TBL1Y: variants seen among roughly 807,000 people sequenced by gnomAD.
TBL1Y encodes F-box-like/WD repeat-containing protein TBL1Y.
TBL1Y carries 15 observed loss-of-function variants against 12.0 expected under a neutral mutation model. The ratio of observed to expected loss-of-function variants is 1.25; its 90% confidence interval spans 0.83 to 1.92. The LOEUF is 1.92. Ranked by LOEUF, TBL1Y falls within the 40% of genes most tolerant of loss-of-function variation. The pLI, the probability that TBL1Y is intolerant of heterozygous loss-of-function variation, is 0.00. For missense variants in TBL1Y, 148 were observed against 116.7 expected (o/e 1.27, Z -1.24); for synonymous variants, 53 against 42.6 (o/e 1.24, Z -0.95).
chrY:7,007,731 C>T, intron 4 of TBL1Y, among the ~76,000 whole-genome samples: 1 of 33,265 alleles, frequency 3.0e-5, no homozygotes, highest in African/African-American at 1.2e-4. Flanking sequence ...GAATTATATG[C>T]GTGAGTCACT....
intron 3 of TBL1Y, among the ~76,000 whole-genome samples, chrY:6,988,834 G>A: frequency 3.1e-5 from 1 of 32,697 alleles, no homozygotes; most frequent in South Asian, 7.0e-4. Flanking sequence ...AATGTCTTGG[G>A]TGACCAAGAG....
intron 4 of TBL1Y, among the ~76,000 whole-genome samples, chrY:7,013,170 A>G (rs773918576): frequency 1.8e-4 from 6 of 33,487 alleles, no homozygotes; most frequent in Non-Finnish European, 3.7e-4. Flanking sequence ...TCTCTATCCT[A>G]TAATTCCAAA....
intron 2 of TBL1Y, among the ~76,000 whole-genome samples, chrY:6,924,180 A>C (rs537726707): frequency 3.0e-5 from 1 of 32,952 alleles, no homozygotes; most frequent in African/African-American, 1.2e-4. Flanking sequence ...AGAAAAATTC[A>C]GTAGGACTGA....
chrY:6,945,995 T>C, intron 2 of TBL1Y, among the ~76,000 whole-genome samples: 1 of 33,548 alleles, frequency 3.0e-5, no homozygotes, highest in Admixed American at 2.7e-4. Context: ...CTGAATGGAC[T>C]GTATGCTTTT....
chrY:6,937,336 C>T, intron 2 of TBL1Y, among the ~76,000 whole-genome samples: 1 of 33,408 alleles, frequency 3.0e-5, no homozygotes, highest in Non-Finnish European at 7.4e-5. Context: ...TTTGGGAGGC[C>T]GAGTCAGGTT....
chrY:6,982,667 CT>C (rs2012294067), intron 3 of TBL1Y, among the ~76,000 whole-genome samples: 2 of 33,640 alleles, frequency 5.9e-5, no homozygotes, highest in Admixed American at 5.4e-4. Flanking sequence ...GAATAAAGTG[CT>C]TTGAAAAATA....
chrY:6,979,801 G>C (rs183144993), intron 3 of TBL1Y, among the ~76,000 whole-genome samples: 7 of 33,510 alleles, frequency 2.1e-4, no homozygotes, highest in African/African-American at 8.2e-4. Flanking sequence ...CTTCAGCCTC[G>C]TGAGCAGTTG....
At chrY:6,980,220 G>GTA (rs2012274206) in intron 3 of TBL1Y, among the ~76,000 whole-genome samples, 1 of 33,937 alleles carries the variant, frequency 2.9e-5, no homozygotes, top group African/African-American at 1.1e-4. Context: ...TTTGAAATGG[G>GTA]TATACAGAAG....
chrY:6,988,665 CATAA>C (rs201788457), intron 3 of TBL1Y, among the ~76,000 whole-genome samples: 5 of 26,903 alleles, frequency 1.9e-4, no homozygotes, highest in East Asian at 2.8e-3. Context: ...GCCTCAAAAA[CATAA>C]ATAAATAAAT....
chrY:7,074,677 G>T, intron 13 of TBL1Y, 57 bp downstream of exon 13: 1 of 353,492 alleles, frequency 2.8e-6, no homozygotes, highest in Non-Finnish European at 4.1e-6. Context: ...TAGGCTGGGT[G>T]CAGTGGCTCA....
chrY:7,036,028 G>A, intron 6 of TBL1Y, among the ~76,000 whole-genome samples: 1 of 33,495 alleles, frequency 3.0e-5, no homozygotes, highest in Non-Finnish European at 7.4e-5. Flanking sequence ...TGCTTAAGGT[G>A]CTGAAAATAT....
intron 6 of TBL1Y, among the ~76,000 whole-genome samples, chrY:7,032,408 T>C: frequency 3.2e-5 from 1 of 31,409 alleles, no homozygotes. Flanking sequence ...AAAATTAGTC[T>C]CAGAAGAGAG....
chrY:7,037,777 A>T (rs2012701829), intron 6 of TBL1Y, among the ~76,000 whole-genome samples: 2 of 34,520 alleles, frequency 5.8e-5, no homozygotes, highest in African/African-American at 1.1e-4. Flanking sequence ...TACAGTGCTC[A>T]CTGGCTTTCA....
intron 2 of TBL1Y, among the ~76,000 whole-genome samples, chrY:6,927,291 C>T: frequency 3.0e-5 from 1 of 33,184 alleles, no homozygotes; most frequent in Non-Finnish European, 7.4e-5. Context: ...ACGGCATGGT[C>T]TTGGGTCACT....
At chrY:6,987,071 G>T in intron 3 of TBL1Y, among the ~76,000 whole-genome samples, 1 of 33,039 alleles carries the variant, frequency 3.0e-5, no homozygotes, top group Non-Finnish European at 7.4e-5. Flanking sequence ...TTTGCTGAAT[G>T]AGTGTGACTT....
intron 7 of TBL1Y, among the ~76,000 whole-genome samples, chrY:7,063,128 CAGAG>C (rs2012898081): frequency 3.0e-5 from 1 of 33,593 alleles, no homozygotes; most frequent in African/African-American, 1.2e-4. Context: ...GACTTCTCAC[CAGAG>C]AGAGTCAGAG....
intron 7 of TBL1Y, among the ~76,000 whole-genome samples, chrY:7,052,271 C>T (rs1015172973): frequency 3.0e-5 from 1 of 33,563 alleles, no homozygotes; most frequent in Admixed American, 2.7e-4. Flanking sequence ...GTTTGGTAGA[C>T]ACAACATATA....
intron 7 of TBL1Y, among the ~76,000 whole-genome samples, chrY:7,050,613 T>G (rs2012791413): frequency 4.8e-4 from 14 of 28,901 alleles, no homozygotes; most frequent in African/African-American, 1.9e-3. Flanking sequence ...GAGAGTATTC[T>G]CAACACACTT....
rs767970822 is a variant in TBL1Y, at chrY:7,070,205, C to A, written c.467C>A (p.Ser156Ter). Reference protein sequence around the residue: ...ENGAHEINNHSKPMEIDGDVE... With the variant: ...ENGAHEINNH ...GTGTTTCCTATGACAGATAATCACT[C>A]AAAGCCAATGGAAATAGATGGGGAT... is the stretch of plus-strand genomic sequence containing the variant. The change falls in exon 9 of 19, where the codon TCA (serine) becomes TAA (stop). Residue 156 changes from serine (S) to a stop codon, truncating the protein, a stop_gained. Transcript: ENST00000383032. LOFTEE classifies it high-confidence loss of function. 2.5e-6 allele frequency: 1 copy of A among 397,573 alleles called. No homozygotes were observed. The highest frequency in any genetic ancestry group is 3.5e-6 in the Non-Finnish European group (1 of 282,731).
Sources: allele counts gnomAD v4.1 joint callset (sites outside exome capture counted in the v4.1 genomes callset), GRCh38; gene constraint gnomAD v4.1.1; transcripts MANE v1.5; gene names NCBI Gene and HGNC (gene_info 2026-07-23, HGNC 2026-07-21).